The following SVEP1 variants were observed in gnomAD, a reference collection of about 807,000 sequenced individuals.
SVEP1 encodes sushi, von Willebrand factor type A, EGF and pentraxin domain-containing protein 1.
A neutral mutation model predicts 367.3 loss-of-function variants in SVEP1; 164 were observed. That is an observed-to-expected ratio of 0.45 (90% confidence interval 0.39 to 0.51). The LOEUF is 0.51. Among genes scored for constraint, SVEP1 ranks in the 20% least tolerant of loss-of-function variants. The pLI is 0.00. For synonymous variants in SVEP1, 1,666 were observed against 1,611.6 expected, an observed-to-expected ratio of 1.03 and a Z score of -0.81; for missense variants, 4,117 against 4,425.3, an observed-to-expected ratio of 0.93 and a Z score of 1.98.
intron 32 of SVEP1, among the ~76,000 whole-genome samples, chr9:110,431,115 G>A (rs1257148158): frequency 6.6e-6 from 1 of 152,172 alleles, no homozygotes; most frequent in Non-Finnish European, 1.5e-5. Flanking sequence ...ATTATGAGCT[G>A]ATTTTGAGGA....
intron 20 of SVEP1, chr9:110,457,979 T>TA (rs748055509): frequency 6.3e-6 from 2 of 316,476 alleles, no homozygotes. Flanking sequence ...ACTAGTCTTG[T>TA]AAAAAATATA....
intron 1 of SVEP1, among the ~76,000 whole-genome samples, chr9:110,555,745 A>C (rs1588107086): frequency 6.6e-6 from 1 of 152,194 alleles, no homozygotes; most frequent in East Asian, 1.9e-4. Flanking sequence ...AGAATTACAC[A>C]AGATCTGGGT....
chr9:110,383,601 G>A (rs537191051), intron 43 of SVEP1, among the ~76,000 whole-genome samples: 6 of 152,248 alleles, frequency 3.9e-5, no homozygotes, highest in East Asian at 3.9e-4. Context: ...TCAGGGACTC[G>A]CTTAACAAAG....
intron 36 of SVEP1, among the ~76,000 whole-genome samples, chr9:110,425,631 G>A (rs1828242613): frequency 6.6e-6 from 1 of 152,162 alleles, no homozygotes; most frequent in Non-Finnish European, 1.5e-5. Context: ...CAAATGAATA[G>A]ATTTTTTAAT....
At chr9:110,453,734 T>C (rs912958154) in intron 22 of SVEP1, among the ~76,000 whole-genome samples, 1 of 151,998 alleles carries the variant, frequency 6.6e-6, no homozygotes, top group Non-Finnish European at 1.5e-5. Context: ...CCGGGCATGG[T>C]GGCATGCGCC....
intron 5 of SVEP1, 137 bp downstream of exon 5, chr9:110,512,789 C>G (rs1829740474): frequency 9.7e-7 from 1 of 1,035,826 alleles, no homozygotes; most frequent in South Asian, 1.4e-5. Flanking sequence ...TTCAAATTTC[C>G]TATAATTTTT....
chr9:110,391,074 A>G (rs1827647414), intron 40 of SVEP1, among the ~76,000 whole-genome samples: 1 of 152,172 alleles, frequency 6.6e-6, no homozygotes, highest in Non-Finnish European at 1.5e-5. Context: ...CACAACTTAA[A>G]AAGTAACAAT....
chr9:110,575,592 C>T (rs866921688), intron 1 of SVEP1, among the ~76,000 whole-genome samples: 13 of 151,600 alleles, frequency 8.6e-5, no homozygotes, highest in Admixed American at 7.2e-4. Flanking sequence ...CTCTTAAAGG[C>T]AAAAGCCTTT....
chr9:110,434,703 C>T (rs1331145752), intron 29 of SVEP1, among the ~76,000 whole-genome samples, 197 bp from the exon 30 acceptor site: 1 of 76,512 alleles, frequency 1.3e-5, no homozygotes, highest in Admixed American at 1.4e-4. Context: ...AAGTCAATAA[C>T]TCTCCCTCTT....
At chr9:110,392,890 G>T (rs780946077) in intron 40 of SVEP1, among the ~76,000 whole-genome samples, 3 of 152,154 alleles carry the variant, frequency 2.0e-5, no homozygotes, top group Non-Finnish European at 4.4e-5. Flanking sequence ...TCGATGTGTA[G>T]TCTTTGTTAG....
intron 3 of SVEP1, among the ~76,000 whole-genome samples, chr9:110,542,091 T>C (rs1313621942): frequency 6.6e-6 from 1 of 152,054 alleles, no homozygotes; most frequent in Admixed American, 6.6e-5. Context: ...GAGGCTGAAT[T>C]TAAGCCAGCT....
intron 28 of SVEP1, among the ~76,000 whole-genome samples, chr9:110,436,003 T>C (rs1304366995): frequency 1.3e-5 from 2 of 151,900 alleles, no homozygotes; most frequent in Non-Finnish European, 2.9e-5. Flanking sequence ...TATGTTGCTC[T>C]CTATGGATGA....
rs921032337 is a variant in SVEP1 at position 110,561,959 on chromosome 9, G to C, written c.532-11855C>G. Reference sequence around the variant, plus strand: ...CTAGCCTAATCACAGAAGAACCAGAGGGTCAAAGAAGAACTAAGTCTCAAA... The same window carrying C: ...CTAGCCTAATCACAGAAGAACCAGACGGTCAAAGAAGAACTAAGTCTCAAA... On this transcript the variant is annotated intron_variant, in intron 1 of 47. Coordinates refer to ENST00000374469, the MANE Select transcript of SVEP1 (RefSeq NM_153366.4). Among the ~76,000 whole-genome samples, 3 of 152,040 alleles carry C rather than the reference G, an allele frequency of 2.0e-5. No homozygotes were observed. The East Asian group carries it at 5.8e-4, about 29-fold the overall frequency.
chr9:110,372,753 G>A (rs182853149), intron 46 of SVEP1, among the ~76,000 whole-genome samples: 15 of 152,234 alleles, frequency 9.9e-5, no homozygotes, highest in Non-Finnish European at 1.8e-4. Context: ...TGCTTGCAAG[G>A]GTAGTGAGAA....
At chr9:110,429,386 C>T (rs532441548) in intron 34 of SVEP1, 52 bp from the exon 35 acceptor site, 9 of 1,305,716 alleles carry the variant, frequency 6.9e-6, no homozygotes, top group Non-Finnish European at 9.1e-6. Context: ...ATTTTGCATG[C>T]CGTTATCTGT....
chr9:110,574,413 AT>A (rs1315907604), intron 1 of SVEP1, among the ~76,000 whole-genome samples: 1 of 152,256 alleles, frequency 6.6e-6, no homozygotes, highest in Non-Finnish European at 1.5e-5. Context: ...CTAGGTCACA[AT>A]CAGTTATAAT....
At chr9:110,538,772 T>G (rs1408492118) in intron 3 of SVEP1, among the ~76,000 whole-genome samples, 1 of 152,038 alleles carries the variant, frequency 6.6e-6, no homozygotes, top group African/African-American at 2.4e-5. Context: ...ATGCCTGTTG[T>G]CTCTATACTT....
At chr9:110,506,687 C>T (rs1256997312) in intron 5 of SVEP1, among the ~76,000 whole-genome samples, 2 of 152,120 alleles carry the variant, frequency 1.3e-5, no homozygotes, top group African/African-American at 4.8e-5. Context: ...TAATCTTGTC[C>T]TACACTTCTT....
chr9:110,565,918 C>T (rs1438373594), intron 1 of SVEP1, among the ~76,000 whole-genome samples: 1 of 151,966 alleles, frequency 6.6e-6, no homozygotes, highest in Non-Finnish European at 1.5e-5. Flanking sequence ...GCCCAGACTG[C>T]CTGGATTTGA....
Sources: gnomAD v4.1 joint callset for allele counts (sites outside exome capture counted in the v4.1 genomes callset) on GRCh38, gnomAD v4.1.1 for gene constraint, MANE v1.5 for transcripts, NCBI Gene and HGNC (gene_info 2026-07-23, HGNC 2026-07-21) for gene names.